AKAP6: variants seen among roughly 807,000 people sequenced by gnomAD.
The protein encoded by AKAP6 is A-kinase anchoring protein 6.
In AKAP6, 58 loss-of-function variants were observed where a neutral mutation model predicts 188.5. The ratio of observed to expected loss-of-function variants is 0.31; its 90% CI spans 0.25 to 0.38. The LOEUF (loss-of-function observed/expected upper bound fraction) is 0.38, where lower values mean the gene tolerates loss of function less well. AKAP6 is among the 10% of genes least tolerant of loss of function. AKAP6 has a pLI of 1.00. For missense variants in AKAP6, 2,710 were observed against 2,740.0 expected (o/e 0.99, Z 0.24); for synonymous variants, 989 against 998.6 (o/e 0.99, Z 0.18).
intron 1 of AKAP6, among the ~76,000 whole-genome samples, chr14:32,354,589 C>T (rs142534532): frequency 3.0e-4 from 46 of 152,330 alleles, no homozygotes; most frequent in African/African-American, 1.0e-3. Flanking sequence ...TCCTATTGCT[C>T]TGGCTCTTTC....
chr14:32,362,605 G>A lies in AKAP6; in HGVS notation c.-35+33197G>A, dbSNP rs564047658. Among the ~76,000 whole-genome samples, 10 of 152,252 alleles carry A rather than the reference G, an allele frequency of 6.6e-5. No homozygotes were observed. The South Asian group carries it at 1.2e-3, about 19-fold the overall frequency. ...TAGGATGAAGAGCACATGCAAAGGT[G>A]TGGAAGCATGAGCAAACGTGGCCTG... is the stretch of plus-strand genomic sequence containing the variant. On this transcript the variant is annotated intron_variant, in intron 1 of 13. Coordinates refer to ENST00000280979, the MANE Select transcript of AKAP6 (RefSeq NM_004274.5).
chr14:32,332,994 TG>T, intron 1 of AKAP6, among the ~76,000 whole-genome samples: 1 of 152,126 alleles, frequency 6.6e-6, no homozygotes, highest in Non-Finnish European at 1.5e-5. Flanking sequence ...TGTTTGAGTG[TG>T]GGGCTAATGC....
At chr14:32,804,482 G>A (rs1230196095) in intron 12 of AKAP6, among the ~76,000 whole-genome samples, 1 of 152,092 alleles carries the variant, frequency 6.6e-6, no homozygotes, top group Non-Finnish European at 1.5e-5. Context: ...CAGGGAGTAG[G>A]TACAAAGATC....
At chr14:32,344,240 T>C (rs1338958471) in intron 1 of AKAP6, among the ~76,000 whole-genome samples, 1 of 152,214 alleles carries the variant, frequency 6.6e-6, no homozygotes, top group East Asian at 1.9e-4. Context: ...AGCTGTGATG[T>C]TCTGGGAGCT....
At chr14:32,799,727 G>A (rs568499689) in intron 12 of AKAP6, among the ~76,000 whole-genome samples, 3 of 151,962 alleles carry the variant, frequency 2.0e-5, no homozygotes, top group South Asian at 4.2e-4. Context: ...TGTGGCCCAC[G>A]TTGTAGTATG....
chr14:32,806,820 G>C (rs1041249673), intron 12 of AKAP6, among the ~76,000 whole-genome samples: 7 of 152,208 alleles, frequency 4.6e-5, no homozygotes, highest in Non-Finnish European at 1.0e-4. Flanking sequence ...ATCTTTAAAG[G>C]AGTTTAAGAT....
intron 7 of AKAP6, among the ~76,000 whole-genome samples, chr14:32,619,521 A>G (rs1159043155): frequency 3.9e-5 from 6 of 152,052 alleles, no homozygotes; most frequent in Non-Finnish European, 2.9e-5. Context: ...ATTCTGTTCC[A>G]TTGGTCTATG....
At chr14:32,530,515 G>A (rs917641509) in intron 2 of AKAP6, among the ~76,000 whole-genome samples, 1 of 152,150 alleles carries the variant, frequency 6.6e-6, no homozygotes, top group Non-Finnish European at 1.5e-5. Flanking sequence ...GAGGCACCTT[G>A]GCAGAATGTT....
chr14:32,547,135 G>A, intron 4 of AKAP6, 136 bp downstream of exon 4: 2 of 917,686 alleles, frequency 2.2e-6, no homozygotes, highest in Non-Finnish European at 3.2e-6. Context: ...AGAAAGAAAA[G>A]AAAAAGCACA....
intron 7 of AKAP6, among the ~76,000 whole-genome samples, chr14:32,646,428 A>G (rs1361484996): frequency 6.6e-6 from 1 of 152,122 alleles, no homozygotes; most frequent in Non-Finnish European, 1.5e-5. Flanking sequence ...ACTGTGTAGT[A>G]ACAATTATTT....
At chr14:32,591,030 ATTC>A (rs1885464127) in intron 5 of AKAP6, among the ~76,000 whole-genome samples, 2 of 152,162 alleles carry the variant, frequency 1.3e-5, no homozygotes, top group Non-Finnish European at 2.9e-5. Context: ...TCCACATAAT[ATTC>A]TTAAGTCCTG....
At chr14:32,358,589 CT>C (rs1172419291) in intron 1 of AKAP6, among the ~76,000 whole-genome samples, 3 of 152,082 alleles carry the variant, frequency 2.0e-5, no homozygotes, top group Non-Finnish European at 4.4e-5. Context: ...TTTTTAGCCT[CT>C]CAAGAGGACT....
At chr14:32,397,617 A>G (rs1043944284) in intron 1 of AKAP6, among the ~76,000 whole-genome samples, 4 of 152,120 alleles carry the variant, frequency 2.6e-5, no homozygotes, top group East Asian at 1.9e-4. Flanking sequence ...TTATTCCCCA[A>G]TTGGATTTAA....
intron 9 of AKAP6, among the ~76,000 whole-genome samples, chr14:32,708,704 C>A (rs556812333): frequency 1.3e-5 from 2 of 152,060 alleles, no homozygotes; most frequent in South Asian, 2.1e-4. Flanking sequence ...TTACAAGATG[C>A]ATCATTTCAA....
chr14:32,693,306 T>C (rs1350905354), intron 8 of AKAP6: 4 of 152,188 alleles, frequency 2.6e-5, no homozygotes, highest in Non-Finnish European at 2.9e-5. Context: ...CTCTCTGTGG[T>C]CTGGATTGAG....
chr14:32,687,578 AAT>A (rs1341185939), intron 8 of AKAP6, among the ~76,000 whole-genome samples: 1 of 152,108 alleles, frequency 6.6e-6, no homozygotes, highest in East Asian at 1.9e-4. Context: ...CCAGCCATAA[AAT>A]GATGTGCTAT....
intron 2 of AKAP6, among the ~76,000 whole-genome samples, chr14:32,441,840 TAATG>T (rs1171598761): frequency 6.6e-6 from 1 of 152,184 alleles, no homozygotes; most frequent in African/African-American, 2.4e-5. Flanking sequence ...TTGAAAGAAA[TAATG>T]AAAACAGTTT....
intron 13 of AKAP6, among the ~76,000 whole-genome samples, chr14:32,828,519 TCTCTCTCTCTCACACA>T (rs1462925721): frequency 7.6e-4 from 26 of 34,266 alleles, no homozygotes; most frequent in African/African-American, 1.6e-3. Context: ...TCTCTCTCTC[TCTCTCTCTCTCACACA>T]CACACACACA....
chr14:32,817,034 T>C (rs2034395478), intron 12 of AKAP6, among the ~76,000 whole-genome samples: 1 of 152,214 alleles, frequency 6.6e-6, no homozygotes, highest in African/African-American at 2.4e-5. Flanking sequence ...ATGCAACTTT[T>C]GAAAGGAAAT....
Sources: gnomAD v4.1 joint callset for allele counts (sites outside exome capture counted in the v4.1 genomes callset) on GRCh38, gnomAD v4.1.1 for gene constraint, MANE v1.5 for transcripts, NCBI Gene and HGNC (gene_info 2026-07-23, HGNC 2026-07-21) for gene names.